Variants in SLX4IP observed in about 807,000 individuals in gnomAD.
SLX4IP encodes SLX4 interacting protein.
Under a neutral mutation model 32.9 loss-of-function variants are expected in SLX4IP, and 34 were observed. The observed-to-expected ratio is 1.03, with a 90% confidence interval of 0.79 to 1.38. SLX4IP has a LOEUF of 1.38. Ranked by LOEUF, SLX4IP falls within the 40% of genes most tolerant of loss-of-function variation. The pLI is 0.00. For missense variants in SLX4IP, 444 were observed against 479.0 expected, an observed-to-expected ratio of 0.93 and a Z score of 0.68; for synonymous variants, 172 against 171.7, an observed-to-expected ratio of 1.00 and a Z score of -0.01.
chr20:10,597,913 C>G (rs1388949), intron 4 of SLX4IP, among the ~76,000 whole-genome samples: 10,736 of 152,202 alleles, frequency 0.071, 614 homozygotes, highest in South Asian at 0.23. Flanking sequence ...TTTTTTTACT[C>G]ATGTCATATT....
rs757894309 is a variant in SLX4IP at position 10,623,058 on chromosome 20, G to A, written c.906G>A (p.Ala302=). 22 of 1,613,970 alleles carry A rather than the reference G, an allele frequency of 1.4e-5. No individual in the cohort carries two copies. Among genetic ancestry groups the A allele is most frequent in the African/African-American group, 6.7e-5 (5 of 74,908 alleles). The change falls in exon 8 of 8, where the codon GCG becomes GCA. Residue 302 remains alanine, a synonymous_variant. Transcript: ENST00000334534. The part of the protein sequence containing the change: ...TQQKRRNCSS[A]EDFDHHGRVS... ...AGAAACGCAGGAACTGCAGCTCTGC[G>A]GAAGACTTCGACCACCACGGGAGAG...
intron 6 of SLX4IP, chr20:10,613,609 T>C: frequency 1.9e-6 from 3 of 1,613,640 alleles, no homozygotes; most frequent in South Asian, 2.2e-5. Context: ...AACTCCTTTC[T>C]GCTCATTTCT....
At chr20:10,549,772 C>T (rs570694462) in intron 2 of SLX4IP, among the ~76,000 whole-genome samples, 2 of 152,300 alleles carry the variant, frequency 1.3e-5, no homozygotes, top group Admixed American at 6.5e-5. Flanking sequence ...GCTCCTTCAC[C>T]AGAGTGGCAA....
At chr20:10,580,631 C>T (rs1471823908) in intron 4 of SLX4IP, among the ~76,000 whole-genome samples, 5 of 151,696 alleles carry the variant, frequency 3.3e-5, no homozygotes, top group African/African-American at 1.2e-4. Flanking sequence ...AGGAGCAGAG[C>T]ATTTTTCTTG....
intron 2 of SLX4IP, among the ~76,000 whole-genome samples, chr20:10,477,063 T>G (rs753071820): frequency 4.6e-5 from 7 of 152,206 alleles, no homozygotes; most frequent in Non-Finnish European, 1.0e-4. Context: ...TATTAGGGCA[T>G]TAATGTGGGT....
At chr20:10,572,311 A>G (rs897575616) in intron 4 of SLX4IP, among the ~76,000 whole-genome samples, 2 of 152,320 alleles carry the variant, frequency 1.3e-5, no homozygotes, top group African/African-American at 4.8e-5. Context: ...TAAGGAGAGT[A>G]TTGTATGTTT....
chr20:10,511,028 C>T (rs1277338731), intron 2 of SLX4IP, among the ~76,000 whole-genome samples: 1 of 152,196 alleles, frequency 6.6e-6, no homozygotes, highest in Non-Finnish European at 1.5e-5. Flanking sequence ...GGCCGCTTCC[C>T]GGGTGACTTT....
At chr20:10,594,255 G>A (rs1600139207) in intron 4 of SLX4IP, among the ~76,000 whole-genome samples, 1 of 152,206 alleles carries the variant, frequency 6.6e-6, no homozygotes, top group Admixed American at 6.5e-5. Flanking sequence ...CTCAGGGAGA[G>A]AAGTACTGAG....
At chr20:10,589,422 A>G (rs775917505) in intron 4 of SLX4IP, among the ~76,000 whole-genome samples, 9 of 152,200 alleles carry the variant, frequency 5.9e-5, no homozygotes, top group Non-Finnish European at 1.3e-4. Context: ...AGTACTCCTG[A>G]TGAAGAAGAA....
chr20:10,518,390 CCTTT>C (rs1265095977), intron 2 of SLX4IP, among the ~76,000 whole-genome samples: 31 of 119,834 alleles, frequency 2.6e-4, no homozygotes, highest in Non-Finnish European at 3.5e-4. Flanking sequence ...TTTCCTTCTT[CCTTT>C]CTTTCTTTCT....
chr20:10,508,752 C>T (rs1340157437), intron 2 of SLX4IP, among the ~76,000 whole-genome samples: 2 of 152,198 alleles, frequency 1.3e-5, no homozygotes, highest in Non-Finnish European at 2.9e-5. Flanking sequence ...GAGCCTGCTT[C>T]TAACTCTGCT....
chr20:10,537,511 G>C (rs2066058639), intron 2 of SLX4IP, among the ~76,000 whole-genome samples: 1 of 152,216 alleles, frequency 6.6e-6, no homozygotes, highest in Admixed American at 6.5e-5. Context: ...TTAGGTTGCA[G>C]TTTGGCCCGA....
chr20:10,626,127 GTC>G lies in SLX4IP; in HGVS notation c.*2751_*2752del, dbSNP rs2067170161. ...CCTCCTGGGTTCACGTCATTCTCCT[GTC>G]TCAGCCTCCTGAGTAGCTGGGACTA... On this transcript the variant is annotated 3_prime_UTR_variant, in exon 8 of 8. Transcript: ENST00000334534. 7.2e-6 allele frequency: 1 copy of G among 139,854 alleles called. No homozygotes were observed. Among genetic ancestry groups the G allele is most frequent in the African/African-American group, 2.7e-5 (1 of 37,430 alleles). 8.7% of individuals were successfully genotyped at this position (139,854 alleles called of 1,614,324 possible). A position where few individuals can be genotyped will look rare whatever the true frequency, so the allele number is the denominator to read the frequency against.
intron 2 of SLX4IP, among the ~76,000 whole-genome samples, chr20:10,535,277 C>T (rs2066030065): frequency 6.6e-6 from 1 of 152,074 alleles, no homozygotes; most frequent in Non-Finnish European, 1.5e-5. Flanking sequence ...GTGCCACTGG[C>T]TGAGTCAAAA....
intron 1 of SLX4IP, among the ~76,000 whole-genome samples, chr20:10,451,475 A>G (rs986572878): frequency 6.6e-6 from 1 of 151,620 alleles, no homozygotes; most frequent in Non-Finnish European, 1.5e-5. Flanking sequence ...TTTCTTGTTT[A>G]AAAAAAGGCT....
At chr20:10,459,942 A>G (rs2065322420) in intron 2 of SLX4IP, among the ~76,000 whole-genome samples, 1 of 152,230 alleles carries the variant, frequency 6.6e-6, no homozygotes, top group East Asian at 1.9e-4. Flanking sequence ...TATAAATTAC[A>G]ATAGCTAGTT....
chr20:10,491,816 C>T (rs2065626353), intron 2 of SLX4IP, among the ~76,000 whole-genome samples: 1 of 152,086 alleles, frequency 6.6e-6, no homozygotes, highest in Non-Finnish European at 1.5e-5. Context: ...TTTTAATACC[C>T]GTGTATGTCT....
chr20:10,524,160 G>C (rs149091218), intron 2 of SLX4IP, among the ~76,000 whole-genome samples: 3 of 152,360 alleles, frequency 2.0e-5, no homozygotes, highest in Admixed American at 6.5e-5. Context: ...ATGGAAGAGA[G>C]CTGCAGGCCT....
intron 2 of SLX4IP, among the ~76,000 whole-genome samples, chr20:10,536,816 T>C (rs2066050584): frequency 6.6e-6 from 1 of 152,196 alleles, no homozygotes; most frequent in Admixed American, 6.5e-5. Flanking sequence ...CATGGAACCA[T>C]GTGAGGGTCT....
Sources: allele counts gnomAD v4.1 joint callset (sites outside exome capture counted in the v4.1 genomes callset), GRCh38; gene constraint gnomAD v4.1.1; transcripts MANE v1.5; gene names NCBI Gene and HGNC (gene_info 2026-07-23, HGNC 2026-07-21).